The following MGAM2 variants were observed in gnomAD, a reference collection of about 807,000 sequenced individuals.
MGAM2 encodes maltase-glucoamylase 2 (putative).
In MGAM2, 98 loss-of-function variants were observed where a neutral mutation model predicts 96.1. The ratio of observed to expected loss-of-function variants is 1.02; its 90% CI spans 0.87 to 1.21. The LOEUF (loss-of-function observed/expected upper bound fraction) is 1.21, where lower values mean the gene tolerates loss of function less well. Among genes scored for constraint, MGAM2 ranks in the 50% most tolerant of loss-of-function variants. The pLI is 0.00. For missense variants in MGAM2, 2,055 were observed against 1,182.4 expected, an observed-to-expected ratio of 1.74 and a Z score of -10.82; for synonymous variants, 749 against 414.8, an observed-to-expected ratio of 1.81 and a Z score of -9.79.
chr7:142,118,960 C>T (rs947307943), intron 2 of MGAM2, among the ~76,000 whole-genome samples: 6 of 151,898 alleles, frequency 4.0e-5, no homozygotes, highest in African/African-American at 1.2e-4. Flanking sequence ...ACCCAAAGCA[C>T]AGCAAACAAA....
intron 7 of MGAM2, among the ~76,000 whole-genome samples, chr7:142,136,058 T>C (rs1055804244): frequency 2.8e-4 from 42 of 152,184 alleles, no homozygotes; most frequent in Non-Finnish European, 6.0e-4. Context: ...TGAGCACATA[T>C]ACTGAGTTAG....
At chr7:142,218,037 C>T (rs1213582755) in intron 46 of MGAM2, among the ~76,000 whole-genome samples, 2 of 152,012 alleles carry the variant, frequency 1.3e-5, no homozygotes, top group Non-Finnish European at 2.9e-5. Context: ...TGAGCCCAGA[C>T]CACGCCATTG....
At chr7:142,161,360 A>C (rs1294456622) in intron 22 of MGAM2, 147 bp downstream of exon 22, 15 of 517,684 alleles carry the variant, frequency 2.9e-5, no homozygotes, top group Non-Finnish European at 4.2e-5. Flanking sequence ...ATCCATTCTG[A>C]AAATTCCATT....
rs1272723293 is a variant in MGAM2 at position 142,220,569 on chromosome 7, A to G, written c.6058A>G (p.Ile2020Val). 7.2e-6 allele frequency: 5 copies of G among 698,482 alleles called. No homozygotes were observed. Among genetic ancestry groups the G allele is most frequent in the Non-Finnish European group, 1.3e-5 (5 of 384,614 alleles). The allele number at this position is 698,482 out of a possible 1,614,324, so 43.3% of individuals were successfully genotyped here. The change falls in exon 48 of 48, where the codon ATC becomes GTC. Residue 2020 changes from isoleucine to valine, a missense_variant. Transcript: ENST00000477922. ...SASTNATPVPITTTLFATSTI... is the reference protein window; with the variant it reads ...SASTNATPVPVTTTLFATSTI... Reference sequence around the variant, plus strand: ...TAGCACTAATGCTACCCCTGTTCCTATCACAACCACACTTTTTGCAACAAG... The same window carrying G: ...TAGCACTAATGCTACCCCTGTTCCTGTCACAACCACACTTTTTGCAACAAG...
rs559017198 is a variant in MGAM2 at position 142,220,373 on chromosome 7, T to A, written c.5862T>A (p.Asn1954Lys). 1.6e-5 allele frequency: 11 copies of A among 702,686 alleles called. No individual in the cohort carries two copies. Among genetic ancestry groups the A allele is most frequent in the Non-Finnish European group, 2.9e-5 (11 of 384,912 alleles). The allele number at this position is 702,686 out of a possible 1,614,324, so 43.5% of individuals were successfully genotyped here. A position where few individuals can be genotyped will look rare whatever the true frequency, so the allele number is the denominator to read the frequency against. ...CAAGTACTATTGGTGTTACAACTAA[T>A]GCTACTGTTCCCGATACAACTGCCC... Reference protein sequence around the residue: ...FATSTIGVTTNATVPDTTAPF... With the variant: ...FATSTIGVTTKATVPDTTAPF... Residue 1954 changes from asparagine to lysine, a missense_variant, in exon 48 of 48, where the codon AAT becomes AAA. Physicochemically the swap from Asn to Lys is moderately conservative, Grantham distance 94. Coordinates refer to ENST00000477922, the MANE Select transcript of MGAM2 (RefSeq NM_001293626.2).
At chr7:142,144,200 G>C (rs188286572) in intron 13 of MGAM2, among the ~76,000 whole-genome samples, 4 of 152,188 alleles carry the variant, frequency 2.6e-5, no homozygotes, top group Admixed American at 2.0e-4. Flanking sequence ...TTGTAGCATT[G>C]ATTCATAAAA....
chr7:142,182,519 G>A (rs1464592780), intron 32 of MGAM2, among the ~76,000 whole-genome samples: 3 of 152,204 alleles, frequency 2.0e-5, no homozygotes, highest in Non-Finnish European at 4.4e-5. Flanking sequence ...GTCGTGTTTT[G>A]CTGCAGATGC....
chr7:142,175,888 T>G (rs1040939517), intron 32 of MGAM2, 108 bp downstream of exon 32: 43 of 496,158 alleles, frequency 8.7e-5, no homozygotes, highest in African/African-American at 8.3e-4. Flanking sequence ...GTTCCTGTAC[T>G]CTGTACTTTT....
At chr7:142,204,235 T>G (rs538573702) in intron 45 of MGAM2, among the ~76,000 whole-genome samples, 2 of 152,120 alleles carry the variant, frequency 1.3e-5, no homozygotes, top group African/African-American at 4.8e-5. Context: ...TTTTAAGTTT[T>G]TGATGGTATT....
rs768228837 is a variant in MGAM2, at chr7:142,134,148, C to A, written c.743C>A (p.Thr248Asn). The change falls in exon 7 of 48, where the codon ACC becomes AAC. Residue 248 changes from threonine (T) to asparagine (N), a missense_variant. By Grantham distance (65) the Thr-to-Asn change is moderately conservative (BLOSUM62 0). Coordinates refer to ENST00000477922, the MANE Select transcript of MGAM2 (RefSeq NM_001293626.2). ...ATCTTCACCCGGGACGCTACCCCCACCGAGGTGAGGTGGCTTTCCTCCTGA... is the reference window on the plus strand; with the variant it reads ...ATCTTCACCCGGGACGCTACCCCCAACGAGGTGAGGTGGCTTTCCTCCTGA... ...WPIFTRDATP[T>N]EGMINLYGAH... The A allele has an allele frequency of 7.4e-5, 55 of 741,810 alleles. 2 individuals carry two copies. In the South Asian group the frequency reaches 7.7e-4, roughly 10 times the overall value. 46.0% of individuals were successfully genotyped at this position (741,810 alleles called of 1,614,324 possible).
rs768140752 is a variant in MGAM2 at position 142,134,055 on chromosome 7, A to G, written c.650A>G (p.Asn217Ser). Residue 217 changes from asparagine (N) to serine (S), a missense_variant, in exon 7 of 48, where the codon AAT becomes AGT. Coordinates refer to ENST00000477922, the MANE Select transcript of MGAM2 (RefSeq NM_001293626.2). ...CTGTCTTTCCGACTGCCCAGTGCCAATGTGTATGGGCTGGGAGAGCATGTG... is the reference window on the plus strand; with the variant it reads ...CTGTCTTTCCGACTGCCCAGTGCCAGTGTGTATGGGCTGGGAGAGCATGTG... Reference protein sequence around the residue: ...LQLSFRLPSANVYGLGEHVHQ... With the variant: ...LQLSFRLPSASVYGLGEHVHQ... 6 of 760,228 alleles carry G rather than the reference A, an allele frequency of 7.9e-6. No homozygotes were observed. Among genetic ancestry groups the G allele is most frequent in the Non-Finnish European group, 1.2e-5 (5 of 415,124 alleles). The allele number at this position is 760,228 out of a possible 1,614,324, so 47.1% of individuals were successfully genotyped here.
Position 142,220,634 on chromosome 7 carries a change from A to G in MGAM2, c.6123A>G (p.Thr2041=), listed in dbSNP as rs780192744. ...CAACTGGTACTACTGTTCCTGATAC[A>G]ACTGCTCCTTTCCCTACAAGTACTA... is the stretch of plus-strand genomic sequence containing the variant. ...GVTTGTTVPD[T]TAPFPTSTTS... Residue 2041 remains threonine (T), a synonymous_variant, in exon 48 of 48, where the codon ACA becomes ACG. Coordinates refer to ENST00000477922, the MANE Select transcript of MGAM2 (RefSeq NM_001293626.2). 10 of 702,278 alleles carry G rather than the reference A, an allele frequency of 1.4e-5. No individual in the cohort carries two copies. In the South Asian group the frequency reaches 1.5e-4, roughly 10 times the overall value. The allele number at this position is 702,278 out of a possible 1,614,324, so 43.5% of individuals were successfully genotyped here. A position where few individuals can be genotyped will look rare whatever the true frequency, so the allele number is the denominator to read the frequency against.
rs1563303919 is a variant in MGAM2 at position 142,220,839 on chromosome 7, G to A, written c.6328G>A (p.Ala2110Thr). The A allele has an allele frequency of 1.4e-6, 1 of 701,950 alleles. No individual in the cohort carries two copies. The highest frequency in any genetic ancestry group is 1.8e-5 in the African/African-American group (1 of 57,082). The allele number at this position is 701,950 out of a possible 1,614,324, so 43.5% of individuals were successfully genotyped here. ...AGTGACTCCTTCTCTGACAAGTACT[G>A]CTGATGCCACCATTAGTACTACTGT... ...ISVTPSLTST[A>T]DATISTTVLI... The change falls in exon 48 of 48, where the codon GCT becomes ACT. Residue 2110 changes from alanine to threonine, a missense_variant. Ala to Thr is a moderately conservative substitution (Grantham distance 58). Coordinates refer to ENST00000477922, the MANE Select transcript of MGAM2 (RefSeq NM_001293626.2).
chr7:142,221,565 A>G lies in MGAM2; in HGVS notation c.7054A>G (p.Met2352Val), dbSNP rs890230522. ...CAACACTCTTGATACAAAAAGTACC[A>G]TGGTAATAGATGCTACGGTCACTAC... ...IFNTLDTKST[M>V]VIDATVTTTS... The change falls in exon 48 of 48, where the codon ATG becomes GTG. Residue 2352 changes from methionine (M) to valine (V), a missense_variant. By Grantham distance (21) the Met-to-Val change is conservative. Transcript: ENST00000477922. The G allele has an allele frequency of 1.9e-6, 1 of 535,972 alleles. No individual in the cohort carries two copies. Among genetic ancestry groups the G allele is most frequent in the Non-Finnish European group, 3.3e-6 (1 of 306,644 alleles). The allele number at this position is 535,972 out of a possible 1,614,324, so 33.2% of individuals were successfully genotyped here. A position where few individuals can be genotyped will look rare whatever the true frequency, so the allele number is the denominator to read the frequency against.
At chr7:142,178,322 G>C (rs1198202748) in intron 32 of MGAM2, among the ~76,000 whole-genome samples, 1 of 152,106 alleles carries the variant, frequency 6.6e-6, no homozygotes, top group Non-Finnish European at 1.5e-5. Flanking sequence ...TCATTACTCT[G>C]TTGACAGTTT....
chr7:142,183,023 A>G (rs1049607355), intron 32 of MGAM2, among the ~76,000 whole-genome samples: 1 of 152,056 alleles, frequency 6.6e-6, no homozygotes, highest in Non-Finnish European at 1.5e-5. Context: ...GAAAGAGATT[A>G]CCCCTCATAA....
Position 142,173,368 on chromosome 7 carries a change from A to C in MGAM2, c.3687+14A>C, listed in dbSNP as rs763820799. On this transcript the variant is annotated intron_variant, in intron 31 of 47. Transcript: ENST00000477922. ...CAGATTCCCTATGTATGAAACCCTC[A>C]CTCAGCCCAAGGTGTAATTAGTTAC... 1 of 702,222 alleles carries C rather than the reference A, an allele frequency of 1.4e-6. No homozygotes were observed. Among genetic ancestry groups the C allele is most frequent in the South Asian group, 1.5e-5 (1 of 67,520 alleles). The allele number at this position is 702,222 out of a possible 1,614,324, so 43.5% of individuals were successfully genotyped here.
rs1409899803 is a variant in MGAM2, at chr7:142,161,180, G to T, written c.2401G>T (p.Gly801Trp). 1 of 702,750 alleles carries T rather than the reference G, an allele frequency of 1.4e-6. No individual in the cohort carries two copies. Among genetic ancestry groups the T allele is most frequent in the Non-Finnish European group, 2.6e-6 (1 of 384,806 alleles). 43.5% of individuals were successfully genotyped at this position (702,750 alleles called of 1,614,324 possible). A position where few individuals can be genotyped will look rare whatever the true frequency, so the allele number is the denominator to read the frequency against. ...CTTGGACTATAAGAGAGAAGCAAAG[G>T]GGGAGCTGTACTGGGATGACGGTGT... ...IALDYKREAK[G>W]ELYWDDGVSK... The change falls in exon 22 of 48, where the codon GGG becomes TGG. Residue 801 changes from glycine to tryptophan, a missense_variant. Coordinates refer to ENST00000477922, the MANE Select transcript of MGAM2 (RefSeq NM_001293626.2).
At chr7:142,145,023 G>T in intron 14 of MGAM2, 78 bp downstream of exon 14, 1 of 670,302 alleles carries the variant, frequency 1.5e-6, no homozygotes, top group South Asian at 1.6e-5. Flanking sequence ...GTGTGGTCGG[G>T]AGCAATTTCA....
Sources: allele counts gnomAD v4.1 joint callset (sites outside exome capture counted in the v4.1 genomes callset), GRCh38; gene constraint gnomAD v4.1.1; transcripts MANE v1.5; gene names NCBI Gene and HGNC (gene_info 2026-07-23, HGNC 2026-07-21).